Variants in FGF10 observed in about 807,000 individuals in gnomAD.
The protein encoded by FGF10 is fibroblast growth factor 10, also known as FGF-10.
FGF10 carries 2 observed loss-of-function variants against 19.8 expected under a neutral mutation model. The observed-to-expected ratio is 0.10, with a 90% CI of 0.04 to 0.32. The LOEUF is 0.32. FGF10 is among the 10% of genes least tolerant of loss of function. FGF10 has a pLI of 1.00. For synonymous variants in FGF10, 112 were observed against 94.0 expected (o/e 1.19, Z -1.10); for missense variants, 191 against 246.3 (o/e 0.78, Z 1.50).
At chr5:44,336,166 T>A (rs567378121) in intron 1 of FGF10, among the ~76,000 whole-genome samples, 33 of 152,188 alleles carry the variant, frequency 2.2e-4, no homozygotes, top group Admixed American at 1.0e-3. Flanking sequence ...TTTTTATAAC[T>A]GCTAATTTTT....
intron 1 of FGF10, among the ~76,000 whole-genome samples, chr5:44,321,451 C>T (rs1462169636): frequency 2.0e-5 from 3 of 152,188 alleles, no homozygotes; most frequent in Admixed American, 6.5e-5. Flanking sequence ...GCTGCATAAA[C>T]ATTCAAGTCT....
intron 1 of FGF10, among the ~76,000 whole-genome samples, chr5:44,342,242 T>C (rs1423101345): frequency 6.6e-6 from 1 of 151,942 alleles, no homozygotes; most frequent in Non-Finnish European, 1.5e-5. Flanking sequence ...AGCCCTTATG[T>C]ATTATTAACT....
intron 2 of FGF10, among the ~76,000 whole-genome samples, chr5:44,307,980 T>C (rs1451386122): frequency 2.0e-5 from 3 of 152,232 alleles, no homozygotes; most frequent in African/African-American, 7.2e-5. Context: ...TGTATAACTG[T>C]GCTCTGTATG....
At chr5:44,386,586 A>T (rs1742102248) in intron 1 of FGF10, among the ~76,000 whole-genome samples, 2 of 152,232 alleles carry the variant, frequency 1.3e-5, no homozygotes, top group Non-Finnish European at 2.9e-5. Flanking sequence ...TAAAGGTTAT[A>T]TACATAGGAT....
intron 1 of FGF10, among the ~76,000 whole-genome samples, chr5:44,372,491 G>A (rs1741763335): frequency 6.6e-6 from 1 of 152,092 alleles, no homozygotes; most frequent in African/African-American, 2.4e-5. Flanking sequence ...ACACATTCCA[G>A]GGATTACAGC....
intron 1 of FGF10, among the ~76,000 whole-genome samples, chr5:44,376,130 T>C (rs1333713448): frequency 2.0e-5 from 3 of 152,112 alleles, no homozygotes; most frequent in Admixed American, 6.5e-5. Context: ...CTATATTTAA[T>C]ACAACTTTAC....
intron 1 of FGF10, among the ~76,000 whole-genome samples, chr5:44,387,660 G>A (rs1742134227): frequency 6.6e-6 from 1 of 152,128 alleles, no homozygotes; most frequent in Admixed American, 6.5e-5. Context: ...AAGAGGGAAG[G>A]CAGGCAGAAG....
At chr5:44,383,871 G>A (rs1742041235) in intron 1 of FGF10, among the ~76,000 whole-genome samples, 1 of 152,002 alleles carries the variant, frequency 6.6e-6, no homozygotes, top group African/African-American at 2.4e-5. Flanking sequence ...GAAAACTCTT[G>A]TGTCGTTATT....
At chr5:44,388,291 AT>A (rs761372591) in intron 1 of FGF10, 66 bp downstream of exon 1, 39 of 1,477,302 alleles carry the variant, frequency 2.6e-5, no homozygotes, top group African/African-American at 4.2e-5. Flanking sequence ...TCTGGAACAG[AT>A]TTTTCCCCCC....
intron 1 of FGF10, among the ~76,000 whole-genome samples, chr5:44,312,141 CATT>C (rs1740226730): frequency 6.6e-6 from 1 of 151,724 alleles, no homozygotes; most frequent in Non-Finnish European, 1.5e-5. Context: ...ATGAAGGAGA[CATT>C]ATTTGTGTTT....
At chr5:44,367,017 C>A (rs1741631164) in intron 1 of FGF10, among the ~76,000 whole-genome samples, 1 of 151,898 alleles carries the variant, frequency 6.6e-6, no homozygotes, top group South Asian at 2.1e-4. Flanking sequence ...ACAAATATTT[C>A]TCAAACTGCA....
At position 44,304,617 on chromosome 5, in the gene FGF10, C is replaced by T. The variant is rs368214539; in HGVS notation, c.*378G>A. On this transcript the variant is annotated 3_prime_UTR_variant, in exon 3 of 3. Coordinates refer to ENST00000264664, the MANE Select transcript of FGF10 (RefSeq NM_004465.2). ...AGCAATGAAGTCTTTGATATGAGTT[C>T]GTATTCCATAAATAACTTTCCCGAA... is the stretch of plus-strand genomic sequence containing the variant. The T allele has an allele frequency of 1.1e-5, 3 of 262,896 alleles. No individual in the cohort carries two copies. The highest frequency in any genetic ancestry group is 2.2e-5 in the Non-Finnish European group (3 of 134,516). 16.3% of individuals were successfully genotyped at this position (262,896 alleles called of 1,614,324 possible). A position where few individuals can be genotyped will look rare whatever the true frequency, so the allele number is the denominator to read the frequency against.
intron 1 of FGF10, among the ~76,000 whole-genome samples, chr5:44,337,494 T>C (rs1056125231): frequency 1.3e-5 from 2 of 152,224 alleles, no homozygotes; most frequent in Non-Finnish European, 2.9e-5. Flanking sequence ...CTTTTGATGA[T>C]AGAACTGCCT....
chr5:44,334,524 C>T (rs992927002), intron 1 of FGF10, among the ~76,000 whole-genome samples: 2 of 151,902 alleles, frequency 1.3e-5, no homozygotes, highest in Admixed American at 1.3e-4. Flanking sequence ...AGTTCTAGGG[C>T]ACATGTGCAC....
At chr5:44,383,303 T>G (rs1219402180) in intron 1 of FGF10, among the ~76,000 whole-genome samples, 1 of 152,098 alleles carries the variant, frequency 6.6e-6, no homozygotes, top group East Asian at 1.9e-4. Flanking sequence ...GGAATAAAGC[T>G]TTTCACTCTA....
intron 1 of FGF10, among the ~76,000 whole-genome samples, chr5:44,345,397 T>C (rs1741066456): frequency 6.6e-6 from 1 of 151,752 alleles, no homozygotes; most frequent in South Asian, 2.1e-4. Flanking sequence ...ATTACAATTT[T>C]CCATTATTAT....
rs17234008 is a variant in FGF10 at position 44,372,471 on chromosome 5, G to T, written c.325+15887C>A. On this transcript the variant is annotated intron_variant, in intron 1 of 2. Coordinates refer to ENST00000264664, the MANE Select transcript of FGF10 (RefSeq NM_004465.2). ...ACATCTGCAAAACTTTACCATATAA[G>T]GTAATAGTCACACATTCCAGGGATT... is the stretch of plus-strand genomic sequence containing the variant. Among the ~76,000 whole-genome samples, 123 of 152,212 alleles carry T rather than the reference G, an allele frequency of 8.1e-4. 3 individuals carry two copies. The East Asian group carries it at 0.018, about 23-fold the overall frequency.
At chr5:44,334,204 A>T (rs1018799380) in intron 1 of FGF10, among the ~76,000 whole-genome samples, 2 of 152,050 alleles carry the variant, frequency 1.3e-5, no homozygotes, top group East Asian at 1.9e-4. Context: ...TTGAATGAGG[A>T]TATAGTGCCC....
At chr5:44,324,793 A>G (rs571088864) in intron 1 of FGF10, among the ~76,000 whole-genome samples, 1 of 152,312 alleles carries the variant, frequency 6.6e-6, no homozygotes, top group East Asian at 1.9e-4. Context: ...ACCTAATTCT[A>G]GGTAAAGTGG....
Sources: gnomAD v4.1 joint callset for allele counts (sites outside exome capture counted in the v4.1 genomes callset) on GRCh38, gnomAD v4.1.1 for gene constraint, MANE v1.5 for transcripts, NCBI Gene and HGNC (gene_info 2026-07-23, HGNC 2026-07-21) for gene names.